Variants in NRG1 observed in about 807,000 individuals in gnomAD.
NRG1 encodes the protein neuregulin 1, also known as pro-neuregulin-1, membrane-bound isoform.
Under a neutral mutation model 63.8 loss-of-function variants are expected in NRG1, and 18 were observed. The observed-to-expected ratio is 0.28, with a 90% CI of 0.19 to 0.42. The LOEUF (loss-of-function observed/expected upper bound fraction) is 0.42, where lower values mean the gene tolerates loss of function less well. NRG1 is among the 10% of genes least tolerant of loss of function. The pLI, the probability that NRG1 is intolerant of heterozygous loss-of-function variation, is 1.00. For synonymous variants in NRG1, 302 were observed against 301.3 expected, an observed-to-expected ratio of 1.00 and a Z score of -0.02; for missense variants, 762 against 814.7, an observed-to-expected ratio of 0.94 and a Z score of 0.79.
intron 7 of NRG1, chr8:32,748,868 G>A (rs929707940): frequency 1.0e-5 from 3 of 290,984 alleles, no homozygotes; most frequent in African/African-American, 7.0e-5. Context: ...AGTGTCCCAA[G>A]CCCCTGTTTG....
intron 1 of NRG1, among the ~76,000 whole-genome samples, chr8:32,466,965 C>T (rs1823146096): frequency 1.3e-5 from 2 of 152,000 alleles, no homozygotes; most frequent in African/African-American, 4.8e-5. Flanking sequence ...AGTAAAAGCA[C>T]ACACAGCAAC....
chr8:31,855,623 A>T (rs1248082666), intron 1 of NRG1, among the ~76,000 whole-genome samples: 1 of 152,174 alleles, frequency 6.6e-6, no homozygotes, highest in East Asian at 1.9e-4. Context: ...TTTAAAGTTA[A>T]TATTGTTATG....
At chr8:32,241,625 A>G (rs1848104485) in intron 1 of NRG1, among the ~76,000 whole-genome samples, 1 of 152,216 alleles carries the variant, frequency 6.6e-6, no homozygotes, top group African/African-American at 2.4e-5. Flanking sequence ...ATGAATTAAC[A>G]AATTAAATCC....
At chr8:31,978,069 T>C (rs901606525) in intron 1 of NRG1, among the ~76,000 whole-genome samples, 2 of 152,120 alleles carry the variant, frequency 1.3e-5, no homozygotes, top group African/African-American at 4.8e-5. Flanking sequence ...CACTAGCAAA[T>C]GGATTCCTAA....
intron 1 of NRG1, among the ~76,000 whole-genome samples, chr8:32,223,912 AT>A (rs1846071200): frequency 6.6e-6 from 1 of 152,152 alleles, no homozygotes; most frequent in Non-Finnish European, 1.5e-5. Context: ...AATAAGCAGA[AT>A]AGAGAGAGAG....
At chr8:32,412,453 C>CATATATATATATATGT (rs1815206795) in intron 1 of NRG1, among the ~76,000 whole-genome samples, 12 of 76,736 alleles carry the variant, frequency 1.6e-4, no homozygotes, top group South Asian at 9.5e-4. Context: ...TATATATATA[C>CATATATATATATATGT]ATATATATAT....
chr8:31,826,192 G>T (rs980228213), intron 1 of NRG1, among the ~76,000 whole-genome samples: 4 of 152,172 alleles, frequency 2.6e-5, no homozygotes, highest in African/African-American at 9.7e-5. Context: ...ATTTGTATGA[G>T]AATTCTGGGA....
At chr8:32,383,180 G>T (rs1304199008) in intron 1 of NRG1, among the ~76,000 whole-genome samples, 1 of 152,122 alleles carries the variant, frequency 6.6e-6, no homozygotes, top group African/African-American at 2.4e-5. Flanking sequence ...AGCTATGATG[G>T]CATTACTGCA....
chr8:32,551,276 G>A (rs1834051341), intron 1 of NRG1, among the ~76,000 whole-genome samples: 1 of 152,216 alleles, frequency 6.6e-6, no homozygotes, highest in East Asian at 1.9e-4. Flanking sequence ...GGACTTAGGA[G>A]GACAAGTTTC....
intron 1 of NRG1, among the ~76,000 whole-genome samples, chr8:32,416,169 T>C (rs1010452983): frequency 6.6e-6 from 1 of 152,210 alleles, no homozygotes; most frequent in African/African-American, 2.4e-5. Context: ...TGGAATAGTA[T>C]ATAATATTAC....
At chr8:32,597,933 C>T (rs77581089) in intron 2 of NRG1, among the ~76,000 whole-genome samples, 1,835 of 152,194 alleles carry the variant, frequency 0.012, 37 homozygotes, top group African/African-American at 0.042. Context: ...CAAAAAAATA[C>T]TCCTAGATTT....
intron 1 of NRG1, among the ~76,000 whole-genome samples, chr8:31,983,331 C>A (rs753646524): frequency 6.6e-6 from 1 of 152,010 alleles, no homozygotes; most frequent in Non-Finnish European, 1.5e-5. Context: ...GGTAAAAGTG[C>A]AGTCCATGAA....
At chr8:32,254,664 G>A (rs1008880044) in intron 1 of NRG1, among the ~76,000 whole-genome samples, 2 of 152,202 alleles carry the variant, frequency 1.3e-5, no homozygotes, top group Non-Finnish European at 2.9e-5. Context: ...GATTTGGGGT[G>A]TAGAGTTCTG....
At chr8:32,237,063 C>T (rs1171289410) in intron 1 of NRG1, among the ~76,000 whole-genome samples, 1 of 152,152 alleles carries the variant, frequency 6.6e-6, no homozygotes, top group Admixed American at 6.5e-5. Flanking sequence ...CAGGGATCGC[C>T]TCCTTAAACT....
chr8:31,905,554 A>T (rs1406050272), intron 1 of NRG1, among the ~76,000 whole-genome samples: 1 of 152,226 alleles, frequency 6.6e-6, no homozygotes, highest in Non-Finnish European at 1.5e-5. Context: ...TGATTTTTAG[A>T]TAGATCATTC....
chr8:32,378,831 C>T (rs1809972725), intron 1 of NRG1, among the ~76,000 whole-genome samples: 1 of 147,302 alleles, frequency 6.8e-6, no homozygotes, highest in South Asian at 2.3e-4. Context: ...CATGTGTTCT[C>T]ATTGTTCAAT....
chr8:31,899,602 T>A (rs570524104), intron 1 of NRG1, among the ~76,000 whole-genome samples: 99 of 152,300 alleles, frequency 6.5e-4, no homozygotes, highest in African/African-American at 2.1e-3. Context: ...CCAGCTAATT[T>A]ATTAGATATA....
chr8:31,978,265 A>G (rs1808514978), intron 1 of NRG1, among the ~76,000 whole-genome samples: 1 of 152,114 alleles, frequency 6.6e-6, no homozygotes, highest in Non-Finnish European at 1.5e-5. Flanking sequence ...CTTTTTAAGG[A>G]ACTTTTGCTG....
chr8:32,578,768 C>T (rs1286311395), intron 1 of NRG1, among the ~76,000 whole-genome samples: 1 of 152,008 alleles, frequency 6.6e-6, no homozygotes, highest in African/African-American at 2.4e-5. Context: ...TATAGTTTTC[C>T]CTTGGGATAT....
Sources: allele counts gnomAD v4.1 joint callset (sites outside exome capture counted in the v4.1 genomes callset), GRCh38; gene constraint gnomAD v4.1.1; transcripts MANE v1.5; gene names NCBI Gene and HGNC (gene_info 2026-07-23, HGNC 2026-07-21).